BAIAP2: variants seen among roughly 807,000 people sequenced by gnomAD.
BAIAP2 encodes BAR/IMD domain-containing adapter protein 2.
In BAIAP2, 18 loss-of-function variants were observed where a neutral mutation model predicts 63.0. The ratio of observed to expected loss-of-function variants is 0.29; its 90% CI spans 0.20 to 0.42. BAIAP2 has a LOEUF of 0.42. Among genes scored for constraint, BAIAP2 ranks in the 10% least tolerant of loss-of-function variants. The pLI, the probability that BAIAP2 is intolerant of heterozygous loss-of-function variation, is 1.00. For missense variants in BAIAP2, 610 were observed against 734.3 expected, an observed-to-expected ratio of 0.83 and a Z score of 1.96; for synonymous variants, 386 against 307.6, an observed-to-expected ratio of 1.25 and a Z score of -2.67.
intron 1 of BAIAP2, among the ~76,000 whole-genome samples, chr17:81,052,130 C>T (rs927784141): frequency 2.0e-5 from 3 of 152,328 alleles, no homozygotes; most frequent in Middle Eastern, 3.4e-3. Flanking sequence ...TCCACCCTCA[C>T]GCCGGGTCCT....
Position 81,108,649 on chromosome 17 carries a change from G to A in BAIAP2, c.1535+140G>A. 3 of 1,166,516 alleles carry A rather than the reference G, an allele frequency of 2.6e-6. No individual in the cohort carries two copies. In the South Asian group the frequency reaches 4.2e-5, roughly 16 times the overall value. 72.3% of individuals were successfully genotyped at this position (1,166,516 alleles called of 1,614,324 possible). On this transcript the variant is annotated intron_variant, in intron 13 of 13. Transcript: ENST00000428708. ...GGCCCTTCACCCCTGTCAGAGCCGG[G>A]GATGTCCCTTAGGGCGTCCTGCTTT...
At chr17:81,067,527 T>C (rs1471410696) in intron 3 of BAIAP2, among the ~76,000 whole-genome samples, 1 of 152,166 alleles carries the variant, frequency 6.6e-6, no homozygotes, top group African/African-American at 2.4e-5. Flanking sequence ...CCTGATTGGA[T>C]TGGCCGTGTT....
chr17:81,038,040 TTCTGG>T (rs1218090429), intron 1 of BAIAP2, among the ~76,000 whole-genome samples: 1 of 152,182 alleles, frequency 6.6e-6, no homozygotes, highest in Non-Finnish European at 1.5e-5. Context: ...ATCTCAGACC[TTCTGG>T]GGGCACTGCG....
chr17:81,065,302 G>A (rs183799136), intron 3 of BAIAP2, among the ~76,000 whole-genome samples: 1 of 152,080 alleles, frequency 6.6e-6, no homozygotes, highest in Non-Finnish European at 1.5e-5. Flanking sequence ...TGCTGTGCCC[G>A]TCCCGGCCCC....
chr17:81,037,282 C>T (rs2046408475), intron 1 of BAIAP2, among the ~76,000 whole-genome samples: 1 of 152,206 alleles, frequency 6.6e-6, no homozygotes, highest in African/African-American at 2.4e-5. Context: ...CGCGGTGGGC[C>T]GCAGGTGTCT....
intron 9 of BAIAP2, 73 bp from the exon 10 acceptor site, chr17:81,104,441 T>C (rs2058884404): frequency 8.7e-6 from 13 of 1,486,120 alleles, no homozygotes; most frequent in Non-Finnish European, 1.2e-5. Flanking sequence ...TCTCAGCACC[T>C]CAACCAGACT....
chr17:81,109,924 G>A (rs1406665274), intron 13 of BAIAP2: 1 of 985,256 alleles, frequency 1.0e-6, no homozygotes, highest in Non-Finnish European at 1.2e-6. Context: ...GGCAGCTCTG[G>A]GCACGCCGCA....
intron 6 of BAIAP2, among the ~76,000 whole-genome samples, chr17:81,099,332 GGAGAT>G (rs2058175250): frequency 6.6e-6 from 1 of 152,138 alleles, no homozygotes; most frequent in South Asian, 2.1e-4. Context: ...GGGTGGGAGA[GGAGAT>G]GAGGTGCGCC....
chr17:81,066,893 T>C (rs1392184968), intron 3 of BAIAP2, among the ~76,000 whole-genome samples: 1 of 152,140 alleles, frequency 6.6e-6, no homozygotes, highest in African/African-American at 2.4e-5. Context: ...GTGACAGCAG[T>C]GTATGGGCAT....
intron 1 of BAIAP2, among the ~76,000 whole-genome samples, chr17:81,036,235 A>G (rs757352381): frequency 1.2e-4 from 18 of 152,084 alleles, no homozygotes; most frequent in Non-Finnish European, 2.5e-4. Context: ...ATTTTCTCAG[A>G]GGAGAAACCC....
At chr17:81,078,507 G>A (rs951344624) in intron 3 of BAIAP2, among the ~76,000 whole-genome samples, 4 of 133,808 alleles carry the variant, frequency 3.0e-5, no homozygotes, top group African/African-American at 5.9e-5. Flanking sequence ...CCATCTCGGA[G>A]CTGGGTGCTG....
At chr17:81,060,051 C>T (rs553920720) in intron 3 of BAIAP2, among the ~76,000 whole-genome samples, 2 of 152,282 alleles carry the variant, frequency 1.3e-5, no homozygotes, top group South Asian at 2.1e-4. Flanking sequence ...GTCTGTTTAC[C>T]TGTGGCCTTT....
At chr17:81,108,276 C>A in intron 12 of BAIAP2, 199 bp from the exon 13 acceptor site, 1 of 610,950 alleles carries the variant, frequency 1.6e-6, no homozygotes, top group Non-Finnish European at 2.9e-6. Flanking sequence ...TTAATTTGGG[C>A]AGTCATTACT....
At position 81,061,747 on chromosome 17, in the gene BAIAP2, G is replaced by A. The variant is rs559333060; in HGVS notation, c.217+3780G>A. On this transcript the variant is annotated intron_variant, in intron 3 of 13. Transcript: ENST00000428708. ...TTCCTTAATTAACTGATGTTGTGGA[G>A]CATCTTTTTGTGTTTTTGTTCACCA... 3.0e-4 allele frequency among the ~76,000 whole-genome samples: 46 copies of A among 152,246 alleles called. No individual in the cohort carries two copies. The South Asian group carries it at 6.8e-3, about 23-fold the overall frequency.
At chr17:81,054,845 C>G (rs1055753164) in intron 2 of BAIAP2, among the ~76,000 whole-genome samples, 1 of 152,124 alleles carries the variant, frequency 6.6e-6, no homozygotes, top group Non-Finnish European at 1.5e-5. Flanking sequence ...GGAGTGGCTT[C>G]CTTGTCGCCA....
At chr17:81,104,469 C>G (rs540334401) in intron 9 of BAIAP2, 45 bp from the exon 10 acceptor site, 3 of 1,539,232 alleles carry the variant, frequency 1.9e-6, no homozygotes, top group Non-Finnish European at 2.6e-6. Context: ...CTTTGCTGCC[C>G]CGCCAGCCAG....
intron 1 of BAIAP2, among the ~76,000 whole-genome samples, chr17:81,037,300 C>T (rs147515523): frequency 9.5e-4 from 145 of 152,362 alleles, no homozygotes; most frequent in Admixed American, 1.5e-3. Context: ...TCTGAAGGGT[C>T]GATCCACTCT....
At chr17:81,037,450 G>C (rs941401195) in intron 1 of BAIAP2, among the ~76,000 whole-genome samples, 18 of 152,358 alleles carry the variant, frequency 1.2e-4, no homozygotes, top group African/African-American at 4.3e-4. Context: ...CTTTGTCACT[G>C]GGGAGCTCAA....
chr17:81,064,826 T>C (rs1219682224), intron 3 of BAIAP2, among the ~76,000 whole-genome samples: 3 of 152,162 alleles, frequency 2.0e-5, no homozygotes. Flanking sequence ...TTCCCTGCAG[T>C]GAAAGAGTTT....
Sources: allele counts gnomAD v4.1 joint callset (sites outside exome capture counted in the v4.1 genomes callset), GRCh38; gene constraint gnomAD v4.1.1; transcripts MANE v1.5; gene names NCBI Gene and HGNC (gene_info 2026-07-23, HGNC 2026-07-21).